HMCN1: variants seen among roughly 807,000 people sequenced by gnomAD.
HMCN1 encodes hemicentin-1.
In HMCN1, 321 loss-of-function variants were observed where a neutral mutation model predicts 625.9. That is an observed-to-expected ratio of 0.51 (90% CI 0.47 to 0.56). The LOEUF is 0.56. Among genes scored for constraint, HMCN1 ranks in the 20% least tolerant of loss-of-function variants. The probability of loss-of-function intolerance (pLI) is 0.00; values close to 1 mark genes in which losing one functional copy is unlikely to be tolerated. For missense variants in HMCN1, 6,588 were observed against 6,887.3 expected (o/e 0.96, Z 1.54); for synonymous variants, 2,425 against 2,417.6 (o/e 1.00, Z -0.09).
intron 1 of HMCN1, among the ~76,000 whole-genome samples, chr1:185,736,354 AGAATT>A (rs1653575604): frequency 6.6e-6 from 1 of 152,192 alleles, no homozygotes; most frequent in African/African-American, 2.4e-5. Context: ...ATTTGAATAA[AGAATT>A]GAATGATTAT....
At chr1:185,936,079 G>A (rs1400988992) in intron 11 of HMCN1, among the ~76,000 whole-genome samples, 1 of 152,104 alleles carries the variant, frequency 6.6e-6, no homozygotes, top group Admixed American at 6.6e-5. Flanking sequence ...AGGGGAATCA[G>A]TAGCTTAATT....
At chr1:185,794,343 T>TTATATATATATATATATATATATATATA (rs61058896) in intron 1 of HMCN1, among the ~76,000 whole-genome samples, 1 of 147,642 alleles carries the variant, frequency 6.8e-6, no homozygotes, top group African/African-American at 2.5e-5. Context: ...AGAGGATAGA[T>TTATATATATATATATATATATATATATA]TATATATATA....
chr1:186,107,436 A>C (rs1391741452), intron 70 of HMCN1, among the ~76,000 whole-genome samples: 2 of 152,256 alleles, frequency 1.3e-5, no homozygotes, highest in Non-Finnish European at 2.9e-5. Context: ...TTAAAAATCC[A>C]GAATCTCATC....
intron 10 of HMCN1, among the ~76,000 whole-genome samples, chr1:185,929,049 G>GATT (rs139247280): frequency 0.1 from 15,709 of 151,920 alleles, 2,186 homozygotes; most frequent in African/African-American, 0.32. Flanking sequence ...TATTGTCAGG[G>GATT]ATTAATGAAT....
chr1:185,930,319 G>C (rs1163584415), intron 10 of HMCN1, among the ~76,000 whole-genome samples: 1 of 152,110 alleles, frequency 6.6e-6, no homozygotes, highest in African/African-American at 2.4e-5. Flanking sequence ...TGAAAGAGAG[G>C]ACATTTTTTT....
intron 1 of HMCN1, among the ~76,000 whole-genome samples, chr1:185,756,894 C>T (rs1022897453): frequency 9.2e-5 from 14 of 151,456 alleles, no homozygotes; most frequent in African/African-American, 3.4e-4. Flanking sequence ...GTTTTTTTTC[C>T]ATCCACATGA....
intron 11 of HMCN1, among the ~76,000 whole-genome samples, chr1:185,959,820 A>G (rs1649882762): frequency 6.6e-6 from 1 of 152,190 alleles, no homozygotes; most frequent in African/African-American, 2.4e-5. Context: ...TTGCAAATAA[A>G]GAGATGTAGA....
intron 2 of HMCN1, among the ~76,000 whole-genome samples, chr1:185,851,088 A>G (rs923163425): frequency 1.3e-5 from 2 of 152,158 alleles, no homozygotes; most frequent in African/African-American, 4.8e-5. Context: ...TTCATTAATC[A>G]GTTTGAGATA....
At chr1:185,767,151 G>C (rs1471064046) in intron 1 of HMCN1, among the ~76,000 whole-genome samples, 1 of 152,026 alleles carries the variant, frequency 6.6e-6, no homozygotes, top group Non-Finnish European at 1.5e-5. Context: ...ATTCAAATTA[G>C]TGAATAACAT....
intron 30 of HMCN1, among the ~76,000 whole-genome samples, chr1:186,008,077 C>A (rs1247776016): frequency 6.6e-6 from 1 of 152,140 alleles, no homozygotes; most frequent in Non-Finnish European, 1.5e-5. Flanking sequence ...CAGCACACAT[C>A]ACTATCTGAT....
At chr1:185,958,754 C>T (rs1649800020) in intron 11 of HMCN1, among the ~76,000 whole-genome samples, 1 of 152,176 alleles carries the variant, frequency 6.6e-6, no homozygotes. Context: ...TGAATTCCAG[C>T]TCCACCTTTG....
chr1:185,785,356 C>G (rs1369570038), intron 1 of HMCN1, among the ~76,000 whole-genome samples: 1 of 152,158 alleles, frequency 6.6e-6, no homozygotes, highest in East Asian at 1.9e-4. Context: ...AGAATCTTCA[C>G]TTTCTCTTCT....
intron 4 of HMCN1, among the ~76,000 whole-genome samples, chr1:185,901,118 G>A (rs114146884): frequency 0.02 from 3,045 of 151,832 alleles, 54 homozygotes; most frequent in Admixed American, 0.025. Context: ...AAACCCAATA[G>A]GCACATGACA....
chr1:185,928,523 G>A (rs1163480208), intron 9 of HMCN1, 23 bp from the exon 10 acceptor site: 2 of 1,606,818 alleles, frequency 1.2e-6, no homozygotes. Context: ...GTAACTAAAA[G>A]TTTTCCATTT....
intron 11 of HMCN1, among the ~76,000 whole-genome samples, chr1:185,936,421 C>G (rs1464226671): frequency 6.6e-6 from 1 of 151,808 alleles, no homozygotes; most frequent in Non-Finnish European, 1.5e-5. Flanking sequence ...GTATATAGAA[C>G]ATTTATCTAT....
intron 87 of HMCN1, 113 bp from the exon 88 acceptor site, chr1:186,137,385 A>C: frequency 8.1e-7 from 1 of 1,227,444 alleles, no homozygotes; most frequent in Non-Finnish European, 1.2e-6. Context: ...TCCATACGCT[A>C]TTTCTCAGCA....
chr1:186,000,559 A>ATGTGTGTGTGTGTGTGTG (rs68110596), intron 26 of HMCN1, among the ~76,000 whole-genome samples: 24 of 144,652 alleles, frequency 1.7e-4, no homozygotes, highest in African/African-American at 5.8e-4. Context: ...GTGTGTGTGT[A>ATGTGTGTGTGTGTGTGTG]TGTGTGTGTG....
At position 186,003,748 on chromosome 1, in the gene HMCN1, C is replaced by G. The variant is rs1571698571; in HGVS notation, c.4379C>G (p.Pro1460Arg). ...CCCACCATAATAGGTACCAACTTCCCAAATGAAGTCTCAGTTGTCCTCAAC... is the reference window on the plus strand; with the variant it reads ...CCCACCATAATAGGTACCAACTTCCGAAATGAAGTCTCAGTTGTCCTCAAC... ...VPPTIIGTNF[P>R]NEVSVVLNRD... Residue 1460 changes from proline (P) to arginine (R), a missense_variant, in exon 29 of 107, where the codon CCA (proline) becomes CGA (arginine). Coordinates refer to ENST00000271588, the MANE Select transcript of HMCN1 (RefSeq NM_031935.3). The G allele has an allele frequency of 6.2e-7, 1 of 1,613,134 alleles. No individual in the cohort carries two copies. Among genetic ancestry groups the G allele is most frequent in the East Asian group, 2.2e-5 (1 of 44,834 alleles).
At chr1:185,965,596 C>T in intron 13 of HMCN1, among the ~76,000 whole-genome samples, 1 of 151,720 alleles carries the variant, frequency 6.6e-6, no homozygotes, top group South Asian at 2.1e-4. Context: ...TTATTTTTTT[C>T]CTGATATCAT....
Sources: gnomAD v4.1 joint callset for allele counts (sites outside exome capture counted in the v4.1 genomes callset) on GRCh38, gnomAD v4.1.1 for gene constraint, MANE v1.5 for transcripts, NCBI Gene and HGNC (gene_info 2026-07-23, HGNC 2026-07-21) for gene names.